The following SH3BGRL2 variants were observed in gnomAD, a reference collection of about 807,000 sequenced individuals.
The protein encoded by SH3BGRL2 is SH3 domain binding glutamate rich protein like 2.
A neutral mutation model predicts 14.8 loss-of-function variants in SH3BGRL2; 21 were observed. That is an observed-to-expected ratio of 1.42 (90% CI 1.01 to 2.05). The LOEUF (loss-of-function observed/expected upper bound fraction) is 2.05. SH3BGRL2 is among the 30% of genes most tolerant of loss of function. The pLI, the probability that SH3BGRL2 is intolerant of heterozygous loss-of-function variation, is 0.00. For missense variants in SH3BGRL2, 147 were observed against 130.8 expected (o/e 1.12, Z -0.61); for synonymous variants, 50 against 47.8 (o/e 1.05, Z -0.19).
chr6:79,600,102 C>G, the SH3BGRL2 span, among the ~76,000 whole-genome samples: 6 of 152,180 alleles, frequency 3.9e-5, no homozygotes, highest in African/African-American at 1.4e-4. Flanking sequence ...GCAACCTTGG[C>G]ACTATCAGTA....
chr6:79,658,942 T>A (rs1288251949), intron 1 of SH3BGRL2, among the ~76,000 whole-genome samples: 2 of 152,252 alleles, frequency 1.3e-5, no homozygotes, highest in Non-Finnish European at 2.9e-5. Flanking sequence ...AATGTCTTCT[T>A]TTGAGAAGTG....
intron 1 of SH3BGRL2, among the ~76,000 whole-genome samples, chr6:79,658,368 C>T (rs1322422715): frequency 6.6e-6 from 1 of 152,118 alleles, no homozygotes; most frequent in East Asian, 1.9e-4. Context: ...GTTCAGTTCC[C>T]ACCTATGAGT....
chr6:79,645,227 A>G (rs1035554479), intron 1 of SH3BGRL2, among the ~76,000 whole-genome samples: 8 of 151,952 alleles, frequency 5.3e-5, no homozygotes, highest in Non-Finnish European at 8.8e-5. Flanking sequence ...GTCATTGTTT[A>G]TTAAGGTTAG....
At chr6:79,562,090 A>G in the SH3BGRL2 span, among the ~76,000 whole-genome samples, 1 of 152,128 alleles carries the variant, frequency 6.6e-6, no homozygotes. Context: ...CTACAACAAT[A>G]TATTTTTTTA....
At chr6:79,553,491 G>A in the SH3BGRL2 span, among the ~76,000 whole-genome samples, 1 of 152,056 alleles carries the variant, frequency 6.6e-6, no homozygotes, top group African/African-American at 2.4e-5. Flanking sequence ...GTTTCACTTT[G>A]TTTCTTTGTT....
At chr6:79,640,834 A>G (rs1343158006) in intron 1 of SH3BGRL2, among the ~76,000 whole-genome samples, 1 of 152,100 alleles carries the variant, frequency 6.6e-6, no homozygotes, top group African/African-American at 2.4e-5. Flanking sequence ...ATATGAAATG[A>G]CTTTTTGTCA....
chr6:79,581,812 G>C, the SH3BGRL2 span, among the ~76,000 whole-genome samples: 2 of 152,264 alleles, frequency 1.3e-5, no homozygotes, highest in Middle Eastern at 3.4e-3. Flanking sequence ...AAGAAATAAA[G>C]GGTATTCAAT....
the SH3BGRL2 span, among the ~76,000 whole-genome samples, chr6:79,618,870 A>T: frequency 7.2e-6 from 1 of 137,964 alleles, no homozygotes; most frequent in Non-Finnish European, 1.5e-5. Flanking sequence ...TGATCCGAGA[A>T]TGCCCCACTG....
chr6:79,623,162 C>T, the SH3BGRL2 span, among the ~76,000 whole-genome samples: 1 of 151,908 alleles, frequency 6.6e-6, no homozygotes, highest in East Asian at 1.9e-4. Context: ...AAAAATTAGG[C>T]AGGCATGGTG....
chr6:79,576,123 T>C, the SH3BGRL2 span, among the ~76,000 whole-genome samples: 160 of 152,298 alleles, frequency 1.1e-3, no homozygotes, highest in African/African-American at 3.8e-3. Context: ...TTCCAAACCC[T>C]ATCATACAAG....
At chr6:79,698,670 G>T (rs1770381430) in intron 3 of SH3BGRL2, among the ~76,000 whole-genome samples, 1 of 151,978 alleles carries the variant, frequency 6.6e-6, no homozygotes, top group African/African-American at 2.4e-5. Flanking sequence ...GGCCACATTG[G>T]CCCTGGATAT....
At chr6:79,578,799 C>T in the SH3BGRL2 span, among the ~76,000 whole-genome samples, 1 of 152,094 alleles carries the variant, frequency 6.6e-6, no homozygotes, top group African/African-American at 2.4e-5. Flanking sequence ...CAGAGATTGA[C>T]TTTTACAAGT....
At chr6:79,564,911 G>A in the SH3BGRL2 span, among the ~76,000 whole-genome samples, 6 of 151,900 alleles carry the variant, frequency 3.9e-5, no homozygotes, top group African/African-American at 1.5e-4. Context: ...CCCTTTTTCT[G>A]GATAAGCTTT....
At chr6:79,666,308 G>A (rs959473941) in intron 1 of SH3BGRL2, among the ~76,000 whole-genome samples, 1 of 152,092 alleles carries the variant, frequency 6.6e-6, no homozygotes, top group Non-Finnish European at 1.5e-5. Context: ...CAGGGACAAG[G>A]GGCCTTAGCA....
chr6:79,680,858 T>C (rs1019190090), intron 2 of SH3BGRL2, among the ~76,000 whole-genome samples: 1 of 152,228 alleles, frequency 6.6e-6, no homozygotes, highest in African/African-American at 2.4e-5. Flanking sequence ...ATTTTCTGTT[T>C]CAATTATTTA....
intron 1 of SH3BGRL2, among the ~76,000 whole-genome samples, chr6:79,665,912 G>A (rs1769651221): frequency 6.6e-6 from 1 of 152,126 alleles, no homozygotes; most frequent in East Asian, 1.9e-4. Flanking sequence ...TTGCTTTCTA[G>A]TAAGATAAAC....
At chr6:79,624,351 A>G in the SH3BGRL2 span, among the ~76,000 whole-genome samples, 13 of 150,784 alleles carry the variant, frequency 8.6e-5, no homozygotes, top group Non-Finnish European at 1.9e-4. Context: ...TCTATAATTA[A>G]TATTTTTGAT....
chr6:79,636,338 C>A (rs1363812593), intron 1 of SH3BGRL2, among the ~76,000 whole-genome samples: 2 of 152,108 alleles, frequency 1.3e-5, no homozygotes, highest in African/African-American at 4.8e-5. Flanking sequence ...GTGTGTGGGA[C>A]AGCTCCGCAC....
intron 1 of SH3BGRL2, among the ~76,000 whole-genome samples, chr6:79,635,913 G>T (rs1274985433): frequency 2.0e-5 from 3 of 152,154 alleles, no homozygotes; most frequent in African/African-American, 4.8e-5. Flanking sequence ...TTACATCCCC[G>T]TGAATGTATT....
Sources: allele counts gnomAD v4.1 joint callset (sites outside exome capture counted in the v4.1 genomes callset), GRCh38; gene constraint gnomAD v4.1.1; transcripts MANE v1.5; gene names NCBI Gene and HGNC (gene_info 2026-07-23, HGNC 2026-07-21).